LRRC40: variants seen among roughly 807,000 people sequenced by gnomAD.
LRRC40 encodes the protein leucine-rich repeat-containing protein 40.
A neutral mutation model predicts 72.8 loss-of-function variants in LRRC40; 76 were observed. That is an observed-to-expected ratio of 1.04 (90% CI 0.87 to 1.26). The LOEUF (loss-of-function observed/expected upper bound fraction) is 1.26, where lower values mean the gene tolerates loss of function less well. LRRC40 is among the 50% of genes most tolerant of loss of function. The pLI is 0.00. For synonymous variants in LRRC40, 243 were observed against 254.2 expected (o/e 0.96, Z 0.42); for missense variants, 684 against 698.9 (o/e 0.98, Z 0.24).
At chr1:70,205,301 G>A in intron 1 of LRRC40, 89 bp downstream of exon 1, 1 of 1,302,530 alleles carries the variant, frequency 7.7e-7, no homozygotes. Flanking sequence ...TGAGAAAGGG[G>A]GCCAAAGCCA....
chr1:70,152,286 T>G, intron 12 of LRRC40, 147 bp downstream of exon 12: 1 of 498,484 alleles, frequency 2.0e-6, no homozygotes, highest in Non-Finnish European at 3.6e-6. Context: ...TAAACACTAT[T>G]TTTGGATTCT....
chr1:70,187,390 T>C lies in LRRC40; in HGVS notation c.334-52A>G, dbSNP rs765810628. ...ATATTCTTAGTCTTATCATTAACAA[T>C]ATATAAGCTTTGCCAGTGTACAAAA... On this transcript the variant is annotated intron_variant, in intron 2 of 14. Coordinates refer to ENST00000370952, the MANE Select transcript of LRRC40 (RefSeq NM_017768.5). 105 of 864,290 alleles carry C rather than the reference T, an allele frequency of 1.2e-4. 1 individual carries two copies. The East Asian group carries it at 1.6e-3, about 13-fold the overall frequency. The allele number at this position is 864,290 out of a possible 1,614,324, so 53.5% of individuals were successfully genotyped here.
At chr1:70,160,079 A>T (rs1042647528) in intron 9 of LRRC40, among the ~76,000 whole-genome samples, 2 of 152,180 alleles carry the variant, frequency 1.3e-5, no homozygotes, top group African/African-American at 2.4e-5. Context: ...TATGGTATAC[A>T]TATTTTTTTA....
chr1:70,193,810 A>G (rs538800156), intron 1 of LRRC40, among the ~76,000 whole-genome samples: 3 of 152,184 alleles, frequency 2.0e-5, no homozygotes, highest in Admixed American at 2.0e-4. Context: ...TTGAAAATTA[A>G]TCAATAAAAG....
Position 70,145,628 on chromosome 1 carries a change from C to T in LRRC40, c.*172G>A. On this transcript the variant is annotated 3_prime_UTR_variant, in exon 15 of 15. Coordinates refer to ENST00000370952, the MANE Select transcript of LRRC40 (RefSeq NM_017768.5). ...TTAAATAAAAATGTAAAAATATTTACTGGCAGTGAATATGGCCCAGGCTAA... is the reference window on the plus strand; with the variant it reads ...TTAAATAAAAATGTAAAAATATTTATTGGCAGTGAATATGGCCCAGGCTAA... The T allele has an allele frequency of 2.4e-6, 1 of 420,042 alleles. No individual in the cohort carries two copies. The highest frequency in any genetic ancestry group is 4.2e-6 in the Non-Finnish European group (1 of 235,724). The allele number at this position is 420,042 out of a possible 1,614,324, so 26.0% of individuals were successfully genotyped here.
At chr1:70,152,362 G>A in intron 12 of LRRC40, 71 bp downstream of exon 12, 1 of 798,004 alleles carries the variant, frequency 1.3e-6, no homozygotes, top group Admixed American at 2.4e-5. Context: ...GAGGTAAAAA[G>A]AATAAGTTAG....
chr1:70,173,224 T>C (rs552950735), intron 9 of LRRC40, among the ~76,000 whole-genome samples: 35 of 152,166 alleles, frequency 2.3e-4, no homozygotes, highest in Admixed American at 2.2e-3. Context: ...TTAAATTTCC[T>C]AATTGGCAGA....
In LRRC40 at chr1:70,179,535, C is replaced by A. The variant is rs951968965; in HGVS notation, c.662-542G>T. Among the ~76,000 whole-genome samples the A allele has an allele frequency of 4.6e-5, 7 of 152,220 alleles. No individual in the cohort carries two copies. The South Asian group carries it at 1.5e-3, about 32-fold the overall frequency. Reference sequence around the variant, plus strand: ...AAAGTTCTGGTACTCTGTTAAAGTACAACTAAATGTACTCTGTGTAACAGC... The same window carrying A: ...AAAGTTCTGGTACTCTGTTAAAGTAAAACTAAATGTACTCTGTGTAACAGC... On this transcript the variant is annotated intron_variant, in intron 5 of 14. Transcript: ENST00000370952.
intron 1 of LRRC40, among the ~76,000 whole-genome samples, chr1:70,193,472 A>C (rs983433387): frequency 6.6e-6 from 1 of 152,032 alleles, no homozygotes; most frequent in African/African-American, 2.4e-5. Flanking sequence ...TTAGCTACTT[A>C]AAAGTCCCCA....
chr1:70,153,254 C>T (rs1184747816), intron 11 of LRRC40, among the ~76,000 whole-genome samples: 2 of 151,506 alleles, frequency 1.3e-5, no homozygotes, highest in African/African-American at 2.4e-5. Context: ...CCCAGCTACT[C>T]GGGAGGCTGA....
intron 9 of LRRC40, among the ~76,000 whole-genome samples, chr1:70,167,409 A>G (rs1204401773): frequency 6.6e-6 from 1 of 151,602 alleles, no homozygotes; most frequent in Non-Finnish European, 1.5e-5. Flanking sequence ...AAAATACAAA[A>G]AAAATTAGCT....
At chr1:70,171,291 G>A (rs1265500810) in intron 9 of LRRC40, among the ~76,000 whole-genome samples, 1 of 151,062 alleles carries the variant, frequency 6.6e-6, no homozygotes, top group Non-Finnish European at 1.5e-5. Context: ...CTAGGATTTT[G>A]TAAAGCTTTC....
At chr1:70,158,799 C>T (rs1252821884) in intron 10 of LRRC40, among the ~76,000 whole-genome samples, 1 of 152,112 alleles carries the variant, frequency 6.6e-6, no homozygotes, top group Non-Finnish European at 1.5e-5. Flanking sequence ...CTAACATAGA[C>T]ACCCACCAAT....
chr1:70,182,633 A>G (rs1571477220), intron 4 of LRRC40, among the ~76,000 whole-genome samples: 1 of 151,926 alleles, frequency 6.6e-6, no homozygotes, highest in African/African-American at 2.4e-5. Flanking sequence ...ATAAAGTTAA[A>G]TAATTACTGC....
At chr1:70,202,504 G>A (rs1308390907) in intron 1 of LRRC40, among the ~76,000 whole-genome samples, 1 of 152,192 alleles carries the variant, frequency 6.6e-6, no homozygotes, top group Non-Finnish European at 1.5e-5. Context: ...ACAGGAAAAA[G>A]ATCACTGGTT....
At chr1:70,202,977 C>G (rs1668781770) in intron 1 of LRRC40, among the ~76,000 whole-genome samples, 1 of 152,154 alleles carries the variant, frequency 6.6e-6, no homozygotes, top group Non-Finnish European at 1.5e-5. Context: ...ACTGCAGCCT[C>G]CAACTCAGGC....
intron 11 of LRRC40, among the ~76,000 whole-genome samples, chr1:70,153,531 A>G (rs1275233480): frequency 6.6e-6 from 1 of 152,206 alleles, no homozygotes; most frequent in Non-Finnish European, 1.5e-5. Flanking sequence ...TGATATATCG[A>G]GTCAAACTCT....
rs567409521 is a variant in LRRC40, at chr1:70,181,892, A to AC, written c.538-684dup. On this transcript the variant is annotated intron_variant, in intron 4 of 14. Transcript: ENST00000370952. ...TTTTTTTTGAAACTCCCTTTAAAAG[A>AC]CGTTGTTATGAATCAGGTAATTTTT... Among the ~76,000 whole-genome samples the AC allele has an allele frequency of 1.2e-4, 18 of 152,014 alleles. 1 individual carries two copies. The South Asian group carries it at 3.3e-3, about 28-fold the overall frequency.
At chr1:70,160,600 A>C (rs1292111885) in intron 9 of LRRC40, among the ~76,000 whole-genome samples, 1 of 152,160 alleles carries the variant, frequency 6.6e-6, no homozygotes, top group Non-Finnish European at 1.5e-5. Flanking sequence ...CTATTAAACC[A>C]GCAACAAAAT....
Sources: gnomAD v4.1 joint callset for allele counts (sites outside exome capture counted in the v4.1 genomes callset) on GRCh38, gnomAD v4.1.1 for gene constraint, MANE v1.5 for transcripts, NCBI Gene and HGNC (gene_info 2026-07-23, HGNC 2026-07-21) for gene names.